NRG1: variants seen among roughly 807,000 people sequenced by gnomAD.
NRG1 encodes the protein pro-neuregulin-1, membrane-bound isoform.
A neutral mutation model predicts 63.8 loss-of-function variants in NRG1; 18 were observed. The ratio of observed to expected loss-of-function variants is 0.28; its 90% confidence interval spans 0.19 to 0.42. NRG1 has a LOEUF of 0.42. Ranked by LOEUF, NRG1 falls within the 10% of genes least tolerant of loss-of-function variation. The pLI is 1.00. For missense variants in NRG1, 762 were observed against 814.7 expected, an observed-to-expected ratio of 0.94 and a Z score of 0.79; for synonymous variants, 302 against 301.3, an observed-to-expected ratio of 1.00 and a Z score of -0.02.
chr8:32,203,489 T>G (rs1843707037), intron 1 of NRG1, among the ~76,000 whole-genome samples: 1 of 152,044 alleles, frequency 6.6e-6, no homozygotes, highest in Admixed American at 6.6e-5. Flanking sequence ...TTCTCCTGCC[T>G]CAGCCTCCCC....
chr8:32,482,015 A>C (rs1228205831), intron 1 of NRG1, among the ~76,000 whole-genome samples: 1 of 152,218 alleles, frequency 6.6e-6, no homozygotes, highest in Non-Finnish European at 1.5e-5. Context: ...TTTATTTTTC[A>C]TTCTATAGAC....
intron 1 of NRG1, among the ~76,000 whole-genome samples, chr8:31,808,461 TTTG>T (rs1425671095): frequency 3.9e-5 from 6 of 152,210 alleles, no homozygotes; most frequent in South Asian, 2.1e-4. Context: ...TTTGTGTGTG[TTTG>T]TTATCTCTTC....
chr8:32,722,515 A>G (rs1362410352), intron 5 of NRG1, among the ~76,000 whole-genome samples: 1 of 152,230 alleles, frequency 6.6e-6, no homozygotes, highest in Non-Finnish European at 1.5e-5. Context: ...TAACAAGCAG[A>G]GAACACTTGA....
intron 1 of NRG1, among the ~76,000 whole-genome samples, chr8:32,533,469 C>T (rs1657291410): frequency 6.6e-6 from 1 of 151,822 alleles, no homozygotes; most frequent in African/African-American, 2.4e-5. Context: ...TAATAATTAC[C>T]TCAACTATAT....
At chr8:31,866,568 T>A (rs1264401118) in intron 1 of NRG1, among the ~76,000 whole-genome samples, 1 of 152,186 alleles carries the variant, frequency 6.6e-6, no homozygotes, top group African/African-American at 2.4e-5. Flanking sequence ...TTCCCCATAC[T>A]ACAATGGCTG....
rs182041295 is a variant in NRG1 at position 32,334,888 on chromosome 8, G to A, written c.38-260940G>A. 3.6e-3 allele frequency among the ~76,000 whole-genome samples: 550 copies of A among 152,302 alleles called. 2 individuals carry two copies. Among genetic ancestry groups the A allele is most frequent in the Middle Eastern group, 0.01 (3 of 294 alleles). On this transcript the variant is annotated intron_variant, in intron 1 of 10. Coordinates refer to the NRG1 transcript ENST00000519301. Reference sequence around the variant, plus strand: ...GTTCTTTTGGCAAATCTCCGTAGCAGGTTGAACTCAGACTCCTTTAATGTC... The same window carrying A: ...GTTCTTTTGGCAAATCTCCGTAGCAAGTTGAACTCAGACTCCTTTAATGTC...
intron 1 of NRG1, among the ~76,000 whole-genome samples, chr8:32,157,552 G>A (rs897044025): frequency 2.6e-5 from 4 of 151,716 alleles, no homozygotes; most frequent in African/African-American, 4.8e-5. Context: ...GCAGCTACTC[G>A]GTAGGCTGAG....
chr8:31,770,518 C>G (rs1017560814), intron 1 of NRG1, among the ~76,000 whole-genome samples: 3 of 140,566 alleles, frequency 2.1e-5, no homozygotes, highest in African/African-American at 7.9e-5. Flanking sequence ...ATCGCAAGGA[C>G]AAAAAACCAA....
chr8:32,298,274 T>C (rs1024295677), intron 1 of NRG1, among the ~76,000 whole-genome samples: 1 of 152,208 alleles, frequency 6.6e-6, no homozygotes, highest in Non-Finnish European at 1.5e-5. Flanking sequence ...GCAAATCCTT[T>C]TCAACTTAAA....
intron 1 of NRG1, among the ~76,000 whole-genome samples, chr8:32,218,514 C>T (rs1323937292): frequency 2.0e-5 from 3 of 152,168 alleles, no homozygotes; most frequent in East Asian, 1.9e-4. Context: ...TTCCTTTTAA[C>T]ACGACCAAGA....
chr8:32,169,514 G>A (rs373890375), intron 1 of NRG1, among the ~76,000 whole-genome samples: 6 of 152,302 alleles, frequency 3.9e-5, no homozygotes, highest in African/African-American at 1.2e-4. Flanking sequence ...AGAATTCTGA[G>A]GTTGGGTTTG....
intron 1 of NRG1, among the ~76,000 whole-genome samples, chr8:32,425,902 C>T (rs540289639): frequency 2.6e-5 from 4 of 152,218 alleles, no homozygotes; most frequent in African/African-American, 9.6e-5. Flanking sequence ...AGCTAGAATA[C>T]AGAATACGTC....
At chr8:32,699,046 G>A (rs1474770518) in intron 5 of NRG1, among the ~76,000 whole-genome samples, 1 of 152,122 alleles carries the variant, frequency 6.6e-6, no homozygotes, top group East Asian at 1.9e-4. Flanking sequence ...TATGGATAAA[G>A]ACCTTAAAGC....
At chr8:31,935,028 G>A (rs891394559) in intron 1 of NRG1, among the ~76,000 whole-genome samples, 1 of 152,074 alleles carries the variant, frequency 6.6e-6, no homozygotes, top group Non-Finnish European at 1.5e-5. Context: ...ACAGCTGACT[G>A]CAGCCTCGAA....
intron 1 of NRG1, chr8:32,136,863 A>G (rs551456835): frequency 6.6e-6 from 1 of 152,186 alleles, no homozygotes; most frequent in African/African-American, 2.4e-5. Context: ...CATAATTCAT[A>G]TTAAAGAATT....
At chr8:32,269,426 C>A (rs1851319113) in intron 1 of NRG1, among the ~76,000 whole-genome samples, 1 of 152,142 alleles carries the variant, frequency 6.6e-6, no homozygotes, top group Non-Finnish European at 1.5e-5. Context: ...TACATCCTGC[C>A]AACGATTCTT....
At chr8:31,874,170 C>T (rs12542753) in intron 1 of NRG1, among the ~76,000 whole-genome samples, 18,716 of 152,110 alleles carry the variant, frequency 0.12, 1,312 homozygotes, top group Admixed American at 0.19. Flanking sequence ...CAAATTCAGG[C>T]GAATGAGTCT....
chr8:32,502,302 A>G (rs1588004808), intron 1 of NRG1, among the ~76,000 whole-genome samples: 1 of 150,934 alleles, frequency 6.6e-6, no homozygotes, highest in Middle Eastern at 3.4e-3. Flanking sequence ...GGTCACTATC[A>G]TGAGTACAGT....
intron 1 of NRG1, among the ~76,000 whole-genome samples, chr8:31,666,948 A>C (rs1806608958): frequency 6.6e-6 from 1 of 152,184 alleles, no homozygotes; most frequent in Non-Finnish European, 1.5e-5. Context: ...TAACTCATTT[A>C]ATCCTTACAA....
Sources: gnomAD v4.1 joint callset for allele counts (sites outside exome capture counted in the v4.1 genomes callset) on GRCh38, gnomAD v4.1.1 for gene constraint, MANE v1.5 for transcripts, NCBI Gene and HGNC (gene_info 2026-07-23, HGNC 2026-07-21) for gene names.